The following PDE9A variants were observed in gnomAD, a reference collection of about 807,000 sequenced individuals.
PDE9A encodes phosphodiesterase 9A.
PDE9A carries 60 observed loss-of-function variants against 87.4 expected under a neutral mutation model. The ratio of observed to expected loss-of-function variants is 0.69; its 90% CI spans 0.56 to 0.85. The LOEUF is 0.85. Ranked by LOEUF, PDE9A falls within the 40% of genes least tolerant of loss-of-function variation. The pLI is 0.00. For synonymous variants in PDE9A, 272 were observed against 279.4 expected (o/e 0.97, Z 0.27); for missense variants, 665 against 779.0 (o/e 0.85, Z 1.74).
chr21:42,697,149 A>G (rs748640901), intron 3 of PDE9A, among the ~76,000 whole-genome samples: 6 of 151,510 alleles, frequency 4.0e-5, no homozygotes, highest in Non-Finnish European at 8.8e-5. Flanking sequence ...AGGGCCCTCT[A>G]GTCCCCAGCA....
intron 10 of PDE9A, 37 bp from the exon 11 acceptor site, chr21:42,758,962 C>A (rs1476996221): frequency 6.5e-7 from 1 of 1,529,680 alleles, no homozygotes; most frequent in Non-Finnish European, 9.1e-7. Flanking sequence ...GCCGGCCACA[C>A]AACTGCCCAG....
chr21:42,726,228 G>C (rs969799496), intron 4 of PDE9A, among the ~76,000 whole-genome samples: 1 of 152,210 alleles, frequency 6.6e-6, no homozygotes, highest in Non-Finnish European at 1.5e-5. Context: ...TGTCAGATAC[G>C]TGTCTTGCAA....
In PDE9A at chr21:42,772,519, A is replaced by G; in HGVS notation, c.1767A>G (p.Glu589=). Residue 589 remains glutamate, a splice_region_variant and synonymous_variant, in exon 19 of 20, where the codon GAA becomes GAG. Transcript: ENST00000291539. ...GAAGCAGAGATGTGAAAAACAGTGA[A>G]GGTAATGCTTGCTCTGCTGAAGTGG... ...RERSRDVKNS[E]GDCA The G allele has an allele frequency of 6.3e-7, 1 of 1,595,534 alleles. No homozygotes were observed. Among genetic ancestry groups the G allele is most frequent in the Non-Finnish European group, 8.6e-7 (1 of 1,168,456 alleles).
chr21:42,716,552 CT>C (rs1322711712), intron 4 of PDE9A, among the ~76,000 whole-genome samples: 1 of 151,398 alleles, frequency 6.6e-6, no homozygotes, highest in Non-Finnish European at 1.5e-5. Flanking sequence ...CTGTTCATAT[CT>C]TTTGGCCACT....
chr21:42,682,821 C>A (rs2059241239), intron 1 of PDE9A, among the ~76,000 whole-genome samples: 1 of 152,198 alleles, frequency 6.6e-6, no homozygotes. Context: ...TTCTCACGCA[C>A]GTCTCTCAGG....
intron 10 of PDE9A, among the ~76,000 whole-genome samples, chr21:42,754,822 C>T (rs1361978438): frequency 6.6e-6 from 1 of 152,176 alleles, no homozygotes; most frequent in Non-Finnish European, 1.5e-5. Context: ...CTGCCATTCT[C>T]CATGATTGTG....
chr21:42,699,567 TAAAA>T (rs10711885), intron 4 of PDE9A, among the ~76,000 whole-genome samples: 6 of 147,810 alleles, frequency 4.1e-5, no homozygotes, highest in Admixed American at 6.7e-5. Context: ...TTTTTTTTTT[TAAAA>T]AAAAACGGAG....
rs2060042158 is a variant in PDE9A at position 42,694,531 on chromosome 21, C to T, written c.219-4437C>T. 6.6e-6 allele frequency among the ~76,000 whole-genome samples: 1 copy of T among 152,216 alleles called. No homozygotes were observed. The highest frequency in any genetic ancestry group is 2.4e-5 in the African/African-American group (1 of 41,448). On this transcript the variant is annotated intron_variant, in intron 3 of 19. Transcript: ENST00000291539. This position sits in a 1 kb window ranked among gnomAD's most constrained non-coding sequence, Gnocchi z 5.3. ...AGGGGTGATGCCGGTTGCACGGTCT[C>T]TTAGAGCTTAAAACTCTAGCTTCTT...
At chr21:42,688,303 G>A (rs974537288) in intron 3 of PDE9A, among the ~76,000 whole-genome samples, 11 of 152,172 alleles carry the variant, frequency 7.2e-5, no homozygotes, top group Middle Eastern at 3.4e-3. Context: ...GCCAGGCCCC[G>A]GGATCCCCAC....
intron 4 of PDE9A, among the ~76,000 whole-genome samples, chr21:42,710,668 A>C (rs940887783): frequency 6.6e-6 from 1 of 152,198 alleles, no homozygotes. Context: ...TTTGAATGTC[A>C]TATTTTGTGT....
In PDE9A at chr21:42,705,202, A is replaced by G. The variant is rs1404356156; in HGVS notation, c.262+6191A>G. 1.3e-5 allele frequency among the ~76,000 whole-genome samples: 2 copies of G among 152,202 alleles called. No individual in the cohort carries two copies. Among genetic ancestry groups the G allele is most frequent in the Admixed American group, 1.3e-4 (2 of 15,286 alleles). ...TTCGCCTGATCATGGGAGGGAATCA[A>G]ATGGATAGAGCATTTATCCCTTTTG... On this transcript the variant is annotated intron_variant, in intron 4 of 19. Transcript: ENST00000291539. The surrounding 1 kb of genome is among the most constrained non-coding windows in gnomAD (Gnocchi z 4.3).
At position 42,675,480 on chromosome 21, in the gene PDE9A, TTATTAG is replaced by T. The variant is rs1324619038; in HGVS notation, c.70-10708_70-10703del. 5.9e-5 allele frequency among the ~76,000 whole-genome samples: 9 copies of T among 152,232 alleles called. No individual in the cohort carries two copies. Among genetic ancestry groups the T allele is most frequent in the Non-Finnish European group, 7.3e-5 (5 of 68,036 alleles). ...GGTGCCTGGCACTTAATAAATGCTC[TTATTAG>T]TATGTTTATCTTCATTATGTCCCTA... is the stretch of plus-strand genomic sequence containing the variant. On this transcript the variant is annotated intron_variant, in intron 1 of 19. Coordinates refer to ENST00000291539, the MANE Select transcript of PDE9A (RefSeq NM_002606.3). This position sits in a 1 kb window ranked among gnomAD's most constrained non-coding sequence, Gnocchi z 4.3.
At chr21:42,698,443 C>G (rs972005763) in intron 3 of PDE9A, among the ~76,000 whole-genome samples, 5 of 152,196 alleles carry the variant, frequency 3.3e-5, no homozygotes, top group Non-Finnish European at 7.3e-5. Flanking sequence ...AACGTTTTGG[C>G]TGTCGTCTGC....
chr21:42,770,906 G>A, intron 18 of PDE9A, 108 bp downstream of exon 18: 1 of 779,238 alleles, frequency 1.3e-6, no homozygotes, highest in East Asian at 2.6e-5. Context: ...ACCACTGAAG[G>A]CCCCGTGGAC....
At chr21:42,731,652 C>G in intron 4 of PDE9A, 118 bp from the exon 5 acceptor site, 1 of 1,052,030 alleles carries the variant, frequency 9.5e-7, no homozygotes, top group Non-Finnish European at 1.4e-6. Context: ...ACACCGTGTT[C>G]TGAATTGAGA....
At chr21:42,707,738 A>G (rs2048959874) in intron 4 of PDE9A, among the ~76,000 whole-genome samples, 1 of 152,228 alleles carries the variant, frequency 6.6e-6, no homozygotes, top group South Asian at 2.1e-4. Flanking sequence ...AAATAGCCTT[A>G]GGAGAGCTAC....
At chr21:42,699,698 G>T (rs949938049) in intron 4 of PDE9A, among the ~76,000 whole-genome samples, 1 of 151,954 alleles carries the variant, frequency 6.6e-6, no homozygotes, top group African/African-American at 2.4e-5. Flanking sequence ...TGGGATTACA[G>T]GCGTGCACCA....
intron 17 of PDE9A, among the ~76,000 whole-genome samples, chr21:42,769,644 GGA>G (rs2056814286): frequency 2.6e-5 from 1 of 38,304 alleles, no homozygotes; most frequent in African/African-American, 1.8e-4. Flanking sequence ...GCACACACAG[GGA>G]CACACAGGCA....
Position 42,750,717 on chromosome 21 carries a change from A to G in PDE9A, c.654-399A>G, listed in dbSNP as rs556222163. On this transcript the variant is annotated intron_variant, in intron 8 of 19. Transcript: ENST00000291539. ...TAGCCTCCCGAGTAGCTGGGACTAC[A>G]GGCACACGCCACCACGCCCAGCTAA... is the stretch of plus-strand genomic sequence containing the variant. Among the ~76,000 whole-genome samples the G allele has an allele frequency of 1.7e-3, 259 of 152,292 alleles. 3 individuals carry two copies. Among genetic ancestry groups the G allele is most frequent in the Non-Finnish European group, 8.5e-4 (58 of 68,014 alleles).
Sources: allele counts gnomAD v4.1 joint callset (sites outside exome capture counted in the v4.1 genomes callset), GRCh38; gene constraint gnomAD v4.1.1; non-coding constraint Gnocchi (gnomAD v3.1); transcripts MANE v1.5; gene names NCBI Gene and HGNC (gene_info 2026-07-23, HGNC 2026-07-21).